The following ADGRA3 variants were observed in gnomAD, a reference collection of about 807,000 sequenced individuals.
ADGRA3 encodes adhesion G protein-coupled receptor A3, also known as G-protein coupled receptor 125.
Under a neutral mutation model 119.8 loss-of-function variants are expected in ADGRA3, and 56 were observed. The ratio of observed to expected loss-of-function variants is 0.47; its 90% CI spans 0.38 to 0.58. The LOEUF is 0.58. ADGRA3 is among the 20% of genes least tolerant of loss of function. ADGRA3 has a pLI of 0.00. For synonymous variants in ADGRA3, 607 were observed against 623.8 expected, an observed-to-expected ratio of 0.97 and a Z score of 0.40; for missense variants, 1,516 against 1,649.0, an observed-to-expected ratio of 0.92 and a Z score of 1.40.
chr4:22,495,389 C>T (rs764873523), intron 1 of ADGRA3, among the ~76,000 whole-genome samples: 14 of 151,936 alleles, frequency 9.2e-5, no homozygotes, highest in Non-Finnish European at 1.6e-4. Context: ...CTGGTGAAAC[C>T]CCATCTCTAG....
At chr4:22,505,155 G>T (rs557743153) in intron 1 of ADGRA3, among the ~76,000 whole-genome samples, 19 of 152,056 alleles carry the variant, frequency 1.2e-4, no homozygotes, top group Non-Finnish European at 2.6e-4. Flanking sequence ...GGCTAGAACT[G>T]CCATAAATAA....
intron 1 of ADGRA3, among the ~76,000 whole-genome samples, chr4:22,507,120 G>A (rs1037250962): frequency 4.0e-5 from 6 of 151,898 alleles, no homozygotes; most frequent in African/African-American, 1.5e-4. Context: ...GGTGACTGTA[G>A]TCCCAGCTAC....
At chr4:22,443,829 C>T (rs1716721667) in intron 6 of ADGRA3, among the ~76,000 whole-genome samples, 2 of 152,086 alleles carry the variant, frequency 1.3e-5, no homozygotes, top group South Asian at 4.2e-4. Flanking sequence ...CTTTGTTTCT[C>T]TGCTTCTTTT....
At chr4:22,515,481 AG>A (rs1560356979) in intron 1 of ADGRA3, 46 bp downstream of exon 1, 1 of 1,578,288 alleles carries the variant, frequency 6.3e-7, no homozygotes, top group Non-Finnish European at 8.6e-7. Context: ...CGGAGAGATA[AG>A]AAAGAGCCGA....
intron 10 of ADGRA3, among the ~76,000 whole-genome samples, chr4:22,428,401 A>ATTAAGCAAT (rs1716027423): frequency 6.6e-6 from 1 of 152,172 alleles, no homozygotes; most frequent in Non-Finnish European, 1.5e-5. Flanking sequence ...AAAAATATAA[A>ATTAAGCAAT]TTAAGCAATT....
chr4:22,480,709 G>T (rs1347778381), intron 1 of ADGRA3, among the ~76,000 whole-genome samples: 1 of 151,994 alleles, frequency 6.6e-6, no homozygotes, highest in African/African-American at 2.4e-5. Context: ...TTGCACTACT[G>T]TCTGTAAAAG....
intron 1 of ADGRA3, among the ~76,000 whole-genome samples, chr4:22,478,981 T>A (rs931786993): frequency 6.6e-6 from 1 of 152,040 alleles, no homozygotes; most frequent in Non-Finnish European, 1.5e-5. Context: ...ATAATTCCTA[T>A]TAAAGGCAAA....
chr4:22,443,712 T>C (rs1191968712), intron 6 of ADGRA3, among the ~76,000 whole-genome samples: 1 of 152,122 alleles, frequency 6.6e-6, no homozygotes, highest in Non-Finnish European at 1.5e-5. Context: ...TTATAAAATA[T>C]CATTAGAGTG....
At position 22,447,422 on chromosome 4, in the gene ADGRA3, A is replaced by G. The variant is rs1716871115; in HGVS notation, c.545+18T>C. On this transcript the variant is annotated intron_variant, in intron 5 of 18. Coordinates refer to ENST00000334304, the MANE Select transcript of ADGRA3 (RefSeq NM_145290.4). The stretch of plus-strand genomic sequence containing the variant: ...ATGAAAATCAAAAAAAAAAAGAGAG[A>G]AAAAAATTCTTACTTACAAAGACCG... 2 of 1,427,964 alleles carry G rather than the reference A, an allele frequency of 1.4e-6. No homozygotes were observed. Among genetic ancestry groups the G allele is most frequent in the Admixed American group, 2.4e-5 (1 of 41,088 alleles). The allele number at this position is 1,427,964 out of a possible 1,614,324, so 88.5% of individuals were successfully genotyped here.
intron 2 of ADGRA3, among the ~76,000 whole-genome samples, chr4:22,468,399 T>C (rs1162272452): frequency 3.3e-5 from 5 of 152,044 alleles, no homozygotes; most frequent in Admixed American, 2.6e-4. Flanking sequence ...GAAGAGAATA[T>C]GGGGGAGGTA....
intron 14 of ADGRA3, 70 bp downstream of exon 14, chr4:22,413,112 C>T (rs1715280626): frequency 1.8e-6 from 2 of 1,114,020 alleles, no homozygotes; most frequent in Non-Finnish European, 2.6e-6. Flanking sequence ...AAAAACACTT[C>T]ATTTGAGCTT....
intron 17 of ADGRA3, among the ~76,000 whole-genome samples, chr4:22,389,956 A>G (rs1298092601): frequency 6.6e-6 from 1 of 152,160 alleles, no homozygotes; most frequent in East Asian, 1.9e-4. Flanking sequence ...CTGGGTGGAT[A>G]AAGGCAATAT....
chr4:22,473,981 A>G (rs2109121751), intron 1 of ADGRA3, 138 bp from the exon 2 acceptor site: 3 of 506,610 alleles, frequency 5.9e-6, no homozygotes, highest in South Asian at 4.5e-5. Context: ...GCTGAAAAAA[A>G]GTGAGTGTCT....
rs746328946 is a variant in ADGRA3, at chr4:22,454,850, G to T, written c.473+16C>A. ...TGCTTCCTTATCTTTTAATGGGAAA[G>T]AAAAGATATACTTACAGCCGAACCA... is the stretch of plus-strand genomic sequence containing the variant. On this transcript the variant is annotated intron_variant, in intron 4 of 18. Transcript: ENST00000334304. 5 of 1,587,608 alleles carry T rather than the reference G, an allele frequency of 3.1e-6. No individual in the cohort carries two copies. The African/African-American group carries it at 4.0e-5, about 13-fold the overall frequency.
intron 1 of ADGRA3, 86 bp downstream of exon 1, chr4:22,515,442 T>A: frequency 6.8e-7 from 1 of 1,469,040 alleles, no homozygotes; most frequent in Non-Finnish European, 9.1e-7. Flanking sequence ...GGCGCGTGGG[T>A]GCCGGCTGGA....
At chr4:22,392,003 AG>A (rs1157331592) in intron 17 of ADGRA3, among the ~76,000 whole-genome samples, 1 of 152,198 alleles carries the variant, frequency 6.6e-6, no homozygotes, top group African/African-American at 2.4e-5. Context: ...CCAAAGGGCA[AG>A]GGAGTCTTCT....
At chr4:22,469,937 T>C (rs766686830) in intron 2 of ADGRA3, among the ~76,000 whole-genome samples, 4 of 152,210 alleles carry the variant, frequency 2.6e-5, no homozygotes, top group Non-Finnish European at 5.9e-5. Flanking sequence ...ACATTTTCTT[T>C]ATCCACAGTA....
At chr4:22,460,441 C>T (rs1306363939) in intron 3 of ADGRA3, among the ~76,000 whole-genome samples, 2 of 152,200 alleles carry the variant, frequency 1.3e-5, no homozygotes, top group African/African-American at 4.8e-5. Flanking sequence ...AAAAGTTCCT[C>T]CCAGGAGAGG....
intron 6 of ADGRA3, among the ~76,000 whole-genome samples, chr4:22,443,785 A>G (rs759948940): frequency 6.6e-6 from 1 of 152,198 alleles, no homozygotes; most frequent in African/African-American, 2.4e-5. Flanking sequence ...AGGTCTTAAC[A>G]CTAGCTATTT....
Sources: allele counts gnomAD v4.1 joint callset (sites outside exome capture counted in the v4.1 genomes callset), GRCh38; gene constraint gnomAD v4.1.1; transcripts MANE v1.5; gene names NCBI Gene and HGNC (gene_info 2026-07-23, HGNC 2026-07-21).